ZBTB8A: variants seen among roughly 807,000 people sequenced by gnomAD.
The protein encoded by ZBTB8A is zinc finger and BTB domain containing 8A.
Under a neutral mutation model 37.8 loss-of-function variants are expected in ZBTB8A, and 19 were observed. The observed-to-expected ratio is 0.50, with a 90% CI of 0.35 to 0.74. ZBTB8A has a LOEUF of 0.74. Ranked by LOEUF, ZBTB8A falls within the 30% of genes least tolerant of loss-of-function variation. ZBTB8A has a pLI of 0.01. For missense variants in ZBTB8A, 394 were observed against 537.8 expected (o/e 0.73, Z 2.65); for synonymous variants, 181 against 185.2 (o/e 0.98, Z 0.19).
At chr1:32,596,091 T>C (rs910128104) in intron 4 of ZBTB8A, among the ~76,000 whole-genome samples, 12 of 150,756 alleles carry the variant, frequency 8.0e-5, no homozygotes, top group Non-Finnish European at 5.9e-5. Context: ...CCTGGTTGGC[T>C]GGGCGCGGTG....
intron 2 of ZBTB8A, among the ~76,000 whole-genome samples, chr1:32,585,027 CTTTTTTTTTTTT>C (rs1163697499): frequency 9.5e-6 from 1 of 105,620 alleles, no homozygotes; most frequent in Admixed American, 1.0e-4. Flanking sequence ...TTTCAGATTT[CTTTTTTTTTTTT>C]TTTTTTTTTT....
chr1:32,575,673 A>T (rs1644354389), intron 2 of ZBTB8A, among the ~76,000 whole-genome samples: 1 of 150,110 alleles, frequency 6.7e-6, no homozygotes, highest in African/African-American at 2.5e-5. Context: ...ACACAGCAGG[A>T]CCCCATCTCT....
chr1:32,593,654 C>A lies in ZBTB8A; in HGVS notation c.723C>A (p.Ser241=). 1.9e-6 allele frequency: 3 copies of A among 1,614,118 alleles called. No individual in the cohort carries two copies. The highest frequency in any genetic ancestry group is 2.5e-6 in the Non-Finnish European group (3 of 1,180,016). Residue 241 remains serine (S), a synonymous_variant, in exon 3 of 5, where the codon TCC becomes TCA. Coordinates refer to ENST00000373510, the MANE Select transcript of ZBTB8A (RefSeq NM_001040441.3). ...VRTSDSSSHV[S]QSEEQAQIDA... ...CATCTGATTCTTCCAGCCATGTTTC[C>A]CAGTCTGAAGAACAAGCACAGATTG...
At chr1:32,568,938 A>C (rs538479881) in intron 2 of ZBTB8A, among the ~76,000 whole-genome samples, 1 of 152,236 alleles carries the variant, frequency 6.6e-6, no homozygotes, top group South Asian at 2.1e-4. Context: ...TTCTTGTATA[A>C]ATTTTTTTGT....
rs139977383 is a variant in ZBTB8A at position 32,557,131 on chromosome 1, G to A, written c.-2+3591G>A. Among the ~76,000 whole-genome samples the A allele has an allele frequency of 1.9e-3, 285 of 151,922 alleles. 1 individual carries two copies. Among genetic ancestry groups the A allele is most frequent in the African/African-American group, 6.6e-3 (272 of 41,438 alleles). On this transcript the variant is annotated intron_variant, in intron 2 of 4. Coordinates refer to ENST00000373510, the MANE Select transcript of ZBTB8A (RefSeq NM_001040441.3). Reference sequence around the variant, plus strand: ...AGCCTGGCCAACATAGTGAAACCCCGTCTCTACTAAAAATACAAAAATTAA... The same window carrying A: ...AGCCTGGCCAACATAGTGAAACCCCATCTCTACTAAAAATACAAAAATTAA...
chr1:32,542,393 G>A (rs1644063589), intron 1 of ZBTB8A, among the ~76,000 whole-genome samples: 2 of 150,214 alleles, frequency 1.3e-5, no homozygotes, highest in Non-Finnish European at 3.0e-5. Context: ...GGACAAGAAG[G>A]TGAAACCCCA....
At chr1:32,593,969 A>C (rs1023768296) in intron 3 of ZBTB8A, among the ~76,000 whole-genome samples, 3 of 152,192 alleles carry the variant, frequency 2.0e-5, no homozygotes, top group Non-Finnish European at 4.4e-5. Flanking sequence ...AGGCGGGCAG[A>C]TCACCTGAGG....
chr1:32,600,276 A>G lies in ZBTB8A; in HGVS notation c.1183A>G (p.Lys395Glu), dbSNP rs1368481261. ...TCTTATGTCCCCATCAGATGGAGAT[A>G]AGGATTCCAGATGGCACTTGAGTGA... Reference protein sequence around the residue: ...QHLMSPSDGDKDSRWHLSEDE... With the variant: ...QHLMSPSDGDEDSRWHLSEDE... Residue 395 changes from lysine to glutamate, a missense_variant, in exon 5 of 5, where the codon AAG (lysine) becomes GAG (glutamate). Around this residue, in one of 4 missense-constraint regions of ZBTB8A, gnomAD observed 85 missense variants for 89.0 expected, o/e 0.95. Coordinates refer to ENST00000373510, the MANE Select transcript of ZBTB8A (RefSeq NM_001040441.3). The G allele has an allele frequency of 6.2e-7, 1 of 1,614,082 alleles. No homozygotes were observed. Among genetic ancestry groups the G allele is most frequent in the Non-Finnish European group, 8.5e-7 (1 of 1,180,038 alleles).
intron 2 of ZBTB8A, among the ~76,000 whole-genome samples, chr1:32,567,305 A>G (rs1021962305): frequency 1.7e-4 from 26 of 152,294 alleles, no homozygotes; most frequent in African/African-American, 6.3e-4. Context: ...CGCATGATCC[A>G]GTCACATTCC....
chr1:32,550,925 C>A (rs1644149213), intron 1 of ZBTB8A, among the ~76,000 whole-genome samples: 2 of 150,774 alleles, frequency 1.3e-5, no homozygotes, highest in Admixed American at 6.6e-5. Context: ...CCATTGCACT[C>A]CAGCCGGGGC....
At chr1:32,558,686 G>A (rs925474175) in intron 2 of ZBTB8A, among the ~76,000 whole-genome samples, 2 of 152,134 alleles carry the variant, frequency 1.3e-5, no homozygotes, top group African/African-American at 2.4e-5. Context: ...ATTAGGCACT[G>A]GAGGAAAATA....
intron 1 of ZBTB8A, among the ~76,000 whole-genome samples, chr1:32,541,037 G>C (rs555658572): frequency 6.6e-6 from 1 of 152,372 alleles, no homozygotes; most frequent in Admixed American, 6.5e-5. Flanking sequence ...TTGTAAGATA[G>C]AGTAATTTAA....
Position 32,581,804 on chromosome 1 carries a change from G to A in ZBTB8A, c.-1-11127G>A, listed in dbSNP as rs1198343105. On this transcript the variant is annotated intron_variant, in intron 2 of 4. Coordinates refer to ENST00000373510, the MANE Select transcript of ZBTB8A (RefSeq NM_001040441.3). ...CAGGAAACTTACAATCATGGCAGAA[G>A]GTGAAGGAGAAGCAGGCATCTTTAC... Among the ~76,000 whole-genome samples, 3 of 152,164 alleles carry A rather than the reference G, an allele frequency of 2.0e-5. No individual in the cohort carries two copies. In the East Asian group the frequency reaches 5.8e-4, roughly 29 times the overall value.
chr1:32,566,896 T>C (rs1382402835), intron 2 of ZBTB8A, among the ~76,000 whole-genome samples: 2 of 152,216 alleles, frequency 1.3e-5, no homozygotes, highest in Non-Finnish European at 2.9e-5. Context: ...AGGGGAGATC[T>C]TTCAGAGATC....
At position 32,586,956 on chromosome 1, in the gene ZBTB8A, C is replaced by A. The variant is rs182962621; in HGVS notation, c.-1-5975C>A. Among the ~76,000 whole-genome samples, 289 of 152,178 alleles carry A rather than the reference C, an allele frequency of 1.9e-3. 1 individual carries two copies. Among genetic ancestry groups the A allele is most frequent in the Non-Finnish European group, 2.5e-3 (169 of 68,004 alleles). On this transcript the variant is annotated intron_variant, in intron 2 of 4. Coordinates refer to ENST00000373510, the MANE Select transcript of ZBTB8A (RefSeq NM_001040441.3). ...AGTTGCAAGGAAGCTATTAAAATAG[C>A]CTTTAGGGTCAGGTGCGGTGGCTCA...
At chr1:32,586,345 G>T (rs1644449281) in intron 2 of ZBTB8A, among the ~76,000 whole-genome samples, 1 of 152,042 alleles carries the variant, frequency 6.6e-6, no homozygotes, top group Non-Finnish European at 1.5e-5. Context: ...TTCCTTATGT[G>T]TTTTAACATT....
At chr1:32,591,508 C>T (rs947445908) in intron 2 of ZBTB8A, among the ~76,000 whole-genome samples, 1 of 152,076 alleles carries the variant, frequency 6.6e-6, no homozygotes, top group African/African-American at 2.4e-5. Flanking sequence ...CGTGAGCTAC[C>T]ACCCTGGGCT....
intron 2 of ZBTB8A, among the ~76,000 whole-genome samples, chr1:32,585,682 G>A (rs985544771): frequency 6.6e-6 from 1 of 152,060 alleles, no homozygotes; most frequent in Non-Finnish European, 1.5e-5. Context: ...TTATGAGGTA[G>A]AAGGGTCGAC....
chr1:32,547,216 A>AT (rs1644112242), intron 1 of ZBTB8A, among the ~76,000 whole-genome samples: 1 of 152,006 alleles, frequency 6.6e-6, no homozygotes, highest in South Asian at 2.1e-4. Flanking sequence ...GGGAAGTTTT[A>AT]TTCCAAAATC....
Sources: allele counts gnomAD v4.1 joint callset (sites outside exome capture counted in the v4.1 genomes callset), GRCh38; gene constraint gnomAD v4.1.1; regional missense constraint gnomAD v4.1.1; transcripts MANE v1.5; gene names NCBI Gene and HGNC (gene_info 2026-07-23, HGNC 2026-07-21).